The following DLGAP2 variants were observed in gnomAD, a reference collection of about 807,000 sequenced individuals.
DLGAP2 encodes the protein disks large-associated protein 2.
A neutral mutation model predicts 100.3 loss-of-function variants in DLGAP2; 26 were observed. That is an observed-to-expected ratio of 0.26 (90% confidence interval 0.19 to 0.36). The LOEUF (loss-of-function observed/expected upper bound fraction) is 0.36, where lower values mean the gene tolerates loss of function less well. DLGAP2 is among the 10% of genes least tolerant of loss of function. DLGAP2 has a pLI of 1.00. For synonymous variants in DLGAP2, 886 were observed against 630.1 expected (o/e 1.41, Z -6.08); for missense variants, 1,858 against 1,453.2 (o/e 1.28, Z -4.53).
intron 2 of DLGAP2, among the ~76,000 whole-genome samples, chr8:1,224,663 AAG>A (rs1490946941): frequency 6.6e-6 from 1 of 152,248 alleles, no homozygotes; most frequent in East Asian, 1.9e-4. Flanking sequence ...CCAGAATGAA[AAG>A]AGAGATTACT....
chr8:1,094,152 C>T (rs1160616156), intron 2 of DLGAP2, among the ~76,000 whole-genome samples: 2 of 152,104 alleles, frequency 1.3e-5, no homozygotes, highest in Admixed American at 6.6e-5. Flanking sequence ...CTTCTTGATG[C>T]CAGGGCCCAT....
chr8:1,520,043 G>T (rs1342110325), intron 4 of DLGAP2, among the ~76,000 whole-genome samples: 1 of 152,220 alleles, frequency 6.6e-6, no homozygotes. Flanking sequence ...GCATGTGAAG[G>T]AGGGGCCTTC....
chr8:1,499,350 G>T (rs1563184906), intron 3 of DLGAP2, among the ~76,000 whole-genome samples: 1 of 152,312 alleles, frequency 6.6e-6, no homozygotes, highest in East Asian at 1.9e-4. Flanking sequence ...CATGTGTGCT[G>T]AAAGTCTGGT....
At chr8:1,310,361 C>G (rs748497392) in intron 3 of DLGAP2, among the ~76,000 whole-genome samples, 66 of 151,956 alleles carry the variant, frequency 4.3e-4, no homozygotes, top group African/African-American at 1.5e-3. Context: ...AAACAGAGTC[C>G]CAAAATATGT....
intron 2 of DLGAP2, among the ~76,000 whole-genome samples, chr8:1,216,698 G>T (rs192265923): frequency 1.3e-5 from 2 of 151,978 alleles, no homozygotes; most frequent in South Asian, 4.2e-4. Context: ...TGCACTATAC[G>T]ATCTCATATT....
At chr8:942,005 TTTTTGTAGAGATG>T (rs897389750) in intron 2 of DLGAP2, among the ~76,000 whole-genome samples, 3 of 152,186 alleles carry the variant, frequency 2.0e-5, no homozygotes, top group Admixed American at 6.5e-5. Context: ...AAATGGTCTT[TTTTTGTAGAGATG>T]GGCTCTCTGT....
At chr8:1,699,528 G>A (rs1469368591) in intron 14 of DLGAP2, among the ~76,000 whole-genome samples, 1 of 152,048 alleles carries the variant, frequency 6.6e-6, no homozygotes, top group Non-Finnish European at 1.5e-5. Flanking sequence ...GCAGGAGAAT[G>A]GAGTGAACCC....
At chr8:1,619,073 C>G (rs1027817171) in intron 6 of DLGAP2, among the ~76,000 whole-genome samples, 20 of 152,056 alleles carry the variant, frequency 1.3e-4, no homozygotes, top group African/African-American at 4.6e-4. Context: ...AATGGAAAGG[C>G]AAGCCATAGA....
At chr8:910,835 T>G (rs1176900234) in intron 2 of DLGAP2, among the ~76,000 whole-genome samples, 1 of 152,046 alleles carries the variant, frequency 6.6e-6, no homozygotes, top group African/African-American at 2.4e-5. Context: ...ACCTTTTTTT[T>G]GGTTAGCGGG....
intron 2 of DLGAP2, among the ~76,000 whole-genome samples, chr8:1,153,916 C>T (rs180911906): frequency 1.7e-3 from 265 of 152,240 alleles, no homozygotes; most frequent in Middle Eastern, 6.8e-3. Context: ...ACCCCAGAGA[C>T]GTTTTTCTGT....
At chr8:946,226 C>A (rs1448636040) in intron 2 of DLGAP2, among the ~76,000 whole-genome samples, 1 of 151,432 alleles carries the variant, frequency 6.6e-6, no homozygotes, top group African/African-American at 2.4e-5. Context: ...TGGCATTTGT[C>A]TGAGTAACTT....
chr8:1,529,665 A>C (rs550396426), intron 4 of DLGAP2, among the ~76,000 whole-genome samples: 1 of 152,368 alleles, frequency 6.6e-6, no homozygotes, highest in Admixed American at 6.5e-5. Context: ...ACAGAAGTTA[A>C]GCTTGAACAA....
At chr8:1,489,880 C>T (rs1799328427) in intron 3 of DLGAP2, among the ~76,000 whole-genome samples, 3 of 152,070 alleles carry the variant, frequency 2.0e-5, no homozygotes, top group Non-Finnish European at 4.4e-5. Context: ...TTGGGCATTC[C>T]AAGATTAAGG....
intron 5 of DLGAP2, among the ~76,000 whole-genome samples, chr8:1,557,049 G>C (rs1169895696): frequency 6.6e-6 from 1 of 152,142 alleles, no homozygotes; most frequent in African/African-American, 2.4e-5. Flanking sequence ...GTGGGGGCTG[G>C]GAGACGCTTG....
At chr8:1,287,983 T>A (rs1229321801) in intron 3 of DLGAP2, among the ~76,000 whole-genome samples, 1 of 41,030 alleles carries the variant, frequency 2.4e-5, no homozygotes, top group Admixed American at 2.8e-4. Context: ...TAGTTTCGGT[T>A]GAGTGTGTGT....
At chr8:1,133,340 C>T (rs539384024) in intron 2 of DLGAP2, among the ~76,000 whole-genome samples, 32 of 152,148 alleles carry the variant, frequency 2.1e-4, no homozygotes, top group African/African-American at 7.2e-4. Context: ...ATTAGAAAAT[C>T]ATCAAAAATA....
intron 2 of DLGAP2, among the ~76,000 whole-genome samples, chr8:984,981 C>T (rs1008190922): frequency 1.3e-5 from 2 of 152,188 alleles, no homozygotes; most frequent in South Asian, 2.1e-4. Flanking sequence ...AAATGCTAAG[C>T]TTAAACAGAA....
intron 2 of DLGAP2, among the ~76,000 whole-genome samples, chr8:968,304 G>A (rs939551727): frequency 7.2e-5 from 11 of 151,996 alleles, no homozygotes; most frequent in South Asian, 4.2e-4. Flanking sequence ...TTCAGCTACC[G>A]ACCCACCTAA....
chr8:1,161,327 G>A (rs895711838), intron 2 of DLGAP2, among the ~76,000 whole-genome samples: 8 of 152,170 alleles, frequency 5.3e-5, no homozygotes, highest in Non-Finnish European at 1.2e-4. Flanking sequence ...AAAGGAGATG[G>A]TAAGTGGAAA....
Sources: allele counts gnomAD v4.1 joint callset (sites outside exome capture counted in the v4.1 genomes callset), GRCh38; gene constraint gnomAD v4.1.1; transcripts MANE v1.5; gene names NCBI Gene and HGNC (gene_info 2026-07-23, HGNC 2026-07-21).